Variants in NR2F1-AS1 observed in about 807,000 individuals in gnomAD.
NR2F1-AS1 encodes the protein NR2F1 regulatory antisense RNA 1.
chr5:93,555,931 C>G (rs1486399813), intron 2 of NR2F1-AS1, among the ~76,000 whole-genome samples: 1 of 152,104 alleles, frequency 6.6e-6, no homozygotes, highest in Non-Finnish European at 1.5e-5. Context: ...AAATGTTCTA[C>G]ATAATAAAAT....
intron 4 of NR2F1-AS1, among the ~76,000 whole-genome samples, chr5:93,538,018 T>G (rs1561489136): frequency 6.6e-6 from 1 of 152,086 alleles, no homozygotes; most frequent in East Asian, 1.9e-4. Flanking sequence ...TGAGTGAGTA[T>G]GGGTGTGTGT....
rs192207106 is a variant in NR2F1-AS1, at chr5:93,416,183, C to A, written n.639-20641G>T. Among the ~76,000 whole-genome samples the A allele has an allele frequency of 3.6e-3, 548 of 152,282 alleles. 5 individuals carry two copies. The highest frequency in any genetic ancestry group is 6.6e-3 in the Non-Finnish European group (447 of 68,024). ...AAACATGGACTTAATGCCTTTCTCT[C>A]CCAATGAATGGAATGAGCTGGTCAC... is the stretch of plus-strand genomic sequence containing the variant. On this transcript the variant is annotated intron_variant and non_coding_transcript_variant, in intron 4 of 5. Transcript: ENST00000660523.
intron 4 of NR2F1-AS1, among the ~76,000 whole-genome samples, chr5:93,497,945 C>G (rs536908047): frequency 2.6e-5 from 4 of 152,124 alleles, no homozygotes; most frequent in Non-Finnish European, 5.9e-5. Flanking sequence ...CTTTAAATAG[C>G]ACATATACCG....
chr5:93,452,508 A>G (rs958373468), intron 4 of NR2F1-AS1, among the ~76,000 whole-genome samples: 1 of 152,140 alleles, frequency 6.6e-6, no homozygotes, highest in Non-Finnish European at 1.5e-5. Flanking sequence ...ATTTGTGGAG[A>G]TTATCAGACA....
intron 1 of NR2F1-AS1, among the ~76,000 whole-genome samples, chr5:93,578,746 C>T (rs1470479318): frequency 6.6e-6 from 1 of 152,230 alleles, no homozygotes; most frequent in African/African-American, 2.4e-5. Context: ...ACTGCGTTTT[C>T]TGCTCCTGCA....
intron 4 of NR2F1-AS1, among the ~76,000 whole-genome samples, chr5:93,450,528 A>T (rs1749803727): frequency 6.6e-6 from 1 of 152,152 alleles, no homozygotes; most frequent in African/African-American, 2.4e-5. Flanking sequence ...AACATTTCTT[A>T]TAACTATAGG....
At chr5:93,535,592 C>A (rs1007443651) in intron 4 of NR2F1-AS1, among the ~76,000 whole-genome samples, 1 of 151,738 alleles carries the variant, frequency 6.6e-6, no homozygotes, top group African/African-American at 2.4e-5. Context: ...TAAGCATAGA[C>A]GCAAAAATTC....
In NR2F1-AS1 at chr5:93,530,730, G is replaced by A. The variant is rs1186074874; in HGVS notation, n.638+23031C>T. On this transcript the variant is annotated intron_variant and non_coding_transcript_variant, in intron 4 of 5. Transcript: ENST00000660523. ...CGGACATGCCTAATTTGATAGCAAG[G>A]CACAAAGAGTTCTTCAGTCCTAGAA... 2.0e-5 allele frequency among the ~76,000 whole-genome samples: 3 copies of A among 152,202 alleles called. No homozygotes were observed. In the East Asian group the frequency reaches 5.8e-4, roughly 29 times the overall value.
At chr5:93,438,939 T>C (rs1165364267) in intron 4 of NR2F1-AS1, among the ~76,000 whole-genome samples, 1 of 152,238 alleles carries the variant, frequency 6.6e-6, no homozygotes, top group Admixed American at 6.5e-5. Context: ...TGTAAGGTGA[T>C]GAATATGTAA....
At chr5:93,421,931 C>T (rs939808203) in intron 4 of NR2F1-AS1, among the ~76,000 whole-genome samples, 26 of 152,138 alleles carry the variant, frequency 1.7e-4, no homozygotes, top group African/African-American at 4.8e-4. Flanking sequence ...CCTTAAATTA[C>T]GGCTTTCAGA....
intron 4 of NR2F1-AS1, among the ~76,000 whole-genome samples, chr5:93,502,074 TA>T (rs1751091114): frequency 6.6e-6 from 1 of 152,222 alleles, no homozygotes; most frequent in Admixed American, 6.5e-5. Flanking sequence ...AATGTATTTT[TA>T]AATTAAAGTA....
At chr5:93,428,666 T>C (rs932455250) in intron 4 of NR2F1-AS1, among the ~76,000 whole-genome samples, 3 of 152,112 alleles carry the variant, frequency 2.0e-5, no homozygotes, top group Admixed American at 6.6e-5. Context: ...TAATAGAAAA[T>C]GTTTGGATAT....
chr5:93,530,312 G>C (rs1751709310), intron 4 of NR2F1-AS1, among the ~76,000 whole-genome samples: 1 of 152,064 alleles, frequency 6.6e-6, no homozygotes, highest in Non-Finnish European at 1.5e-5. Flanking sequence ...TTGATCTCCT[G>C]ACCTCGTGAT....
chr5:93,549,881 G>A (rs1314690931), intron 4 of NR2F1-AS1, among the ~76,000 whole-genome samples: 5 of 152,046 alleles, frequency 3.3e-5, no homozygotes, highest in African/African-American at 1.2e-4. Flanking sequence ...ACCAAACACT[G>A]CATGCTCTTA....
At chr5:93,506,459 G>C (rs1751188059) in intron 4 of NR2F1-AS1, among the ~76,000 whole-genome samples, 1 of 152,080 alleles carries the variant, frequency 6.6e-6, no homozygotes, top group Non-Finnish European at 1.5e-5. Context: ...GACTGTATTA[G>C]TCTATTTTCA....
intron 3 of NR2F1-AS1, among the ~76,000 whole-genome samples, chr5:93,554,319 T>C (rs1270309766): frequency 6.6e-6 from 1 of 152,204 alleles, no homozygotes; most frequent in African/African-American, 2.4e-5. Flanking sequence ...CAGCCAAAAT[T>C]ACTTTGACAT....
chr5:93,441,555 T>A (rs1749571271), intron 4 of NR2F1-AS1, among the ~76,000 whole-genome samples: 1 of 152,198 alleles, frequency 6.6e-6, no homozygotes, highest in African/African-American at 2.4e-5. Context: ...GGCCACTATC[T>A]GAAATGAAAT....
intron 4 of NR2F1-AS1, among the ~76,000 whole-genome samples, chr5:93,458,990 C>T (rs1175027551): frequency 2.6e-5 from 4 of 151,498 alleles, no homozygotes; most frequent in African/African-American, 4.9e-5. Context: ...CCAGCCTGAG[C>T]GACAGAGTGA....
chr5:93,428,432 G>T (rs1185271353), intron 4 of NR2F1-AS1, among the ~76,000 whole-genome samples: 2 of 152,164 alleles, frequency 1.3e-5, no homozygotes, highest in Admixed American at 6.6e-5. Context: ...GCTAATTACA[G>T]TGCCAAATCA....
Sources: gnomAD v4.1 joint callset for allele counts (sites outside exome capture counted in the v4.1 genomes callset) on GRCh38, gnomAD v4.1.1 for gene constraint, MANE v1.5 for transcripts, NCBI Gene and HGNC (gene_info 2026-07-23, HGNC 2026-07-21) for gene names.